The following KCNIP4 variants were observed in gnomAD, a reference collection of about 807,000 sequenced individuals.
The protein encoded by KCNIP4 is potassium voltage-gated channel interacting protein 4, also known as Kv channel-interacting protein 4.
A neutral mutation model predicts 34.0 loss-of-function variants in KCNIP4; 12 were observed. That is an observed-to-expected ratio of 0.35 (90% CI 0.23 to 0.57). KCNIP4 has a LOEUF of 0.57. KCNIP4 is among the 20% of genes least tolerant of loss of function. The probability of loss-of-function intolerance (pLI) is 0.83; values close to 1 mark genes in which losing one functional copy is unlikely to be tolerated. For missense variants in KCNIP4, 238 were observed against 311.7 expected, an observed-to-expected ratio of 0.76 and a Z score of 1.78; for synonymous variants, 124 against 102.2, an observed-to-expected ratio of 1.21 and a Z score of -1.29.
intron 1 of KCNIP4, among the ~76,000 whole-genome samples, chr4:21,167,390 G>T (rs1753707806): frequency 6.6e-6 from 1 of 152,120 alleles, no homozygotes; most frequent in Admixed American, 6.5e-5. Flanking sequence ...AAGACAAAAA[G>T]AATTATCATT....
chr4:21,060,513 T>C (rs993087272), intron 1 of KCNIP4, among the ~76,000 whole-genome samples: 1 of 152,208 alleles, frequency 6.6e-6, no homozygotes, highest in Non-Finnish European at 1.5e-5. Context: ...AAGATAATTA[T>C]TCTTTTCACA....
At chr4:21,589,265 G>GTATCTATACATATACATATATGTATCT (rs1560540556) in intron 1 of KCNIP4, among the ~76,000 whole-genome samples, 18 of 113,408 alleles carry the variant, frequency 1.6e-4, no homozygotes, top group South Asian at 1.1e-3. Context: ...TATCTATACA[G>GTATCTATACATATACATATATGTATCT]ATACATATAT....
intron 1 of KCNIP4, among the ~76,000 whole-genome samples, chr4:21,519,761 A>G (rs374881524): frequency 1.9e-4 from 26 of 134,458 alleles, no homozygotes; most frequent in South Asian, 1.0e-3. Flanking sequence ...GTGTGTATGT[A>G]TGTGTGTATA....
In KCNIP4 at chr4:20,850,581, T is replaced by C. The variant is rs2149483049; in HGVS notation, c.250A>G (p.Lys84Glu). ...CTGTAAAGGATCTGAAGCTCTTTCT[T>C]GGTAAATTTGCTCTGGGCTTCCAGA... Reference protein sequence around the residue: ...ELLEAQSKFTKKELQILYRGF... With the variant: ...ELLEAQSKFTEKELQILYRGF... The change falls in exon 3 of 9, where the codon AAG becomes GAG. Residue 84 changes from lysine to glutamate, a missense_variant. Coordinates refer to ENST00000382152, the MANE Select transcript of KCNIP4 (RefSeq NM_025221.6). The C allele has an allele frequency of 6.2e-7, 1 of 1,612,974 alleles. No individual in the cohort carries two copies. The highest frequency in any genetic ancestry group is 8.5e-7 in the Non-Finnish European group (1 of 1,179,754).
At chr4:21,205,075 A>T (rs1176775511) in intron 1 of KCNIP4, among the ~76,000 whole-genome samples, 1 of 152,218 alleles carries the variant, frequency 6.6e-6, no homozygotes, top group East Asian at 1.9e-4. Context: ...TTCAACGAAA[A>T]GCTGGTTCAT....
chr4:20,816,486 C>T (rs1578687813), intron 3 of KCNIP4, among the ~76,000 whole-genome samples: 1 of 152,128 alleles, frequency 6.6e-6, no homozygotes, highest in Non-Finnish European at 1.5e-5. Context: ...CTCCAGCCAT[C>T]CTGAAACATT....
chr4:21,638,107 T>C (rs1188377952), intron 1 of KCNIP4, among the ~76,000 whole-genome samples: 3 of 152,158 alleles, frequency 2.0e-5, no homozygotes, highest in African/African-American at 7.2e-5. Flanking sequence ...CTAATGATAA[T>C]TTATCTGAAG....
At chr4:21,414,989 G>T (rs1724822259) in intron 1 of KCNIP4, among the ~76,000 whole-genome samples, 1 of 151,840 alleles carries the variant, frequency 6.6e-6, no homozygotes, top group South Asian at 2.1e-4. Context: ...TGTTCTAAAA[G>T]GTAAAACAAA....
chr4:21,605,854 C>A (rs1478169722), intron 1 of KCNIP4, among the ~76,000 whole-genome samples: 1 of 152,050 alleles, frequency 6.6e-6, no homozygotes, highest in Admixed American at 6.5e-5. Flanking sequence ...ATTCCCTGAC[C>A]ACCATCAAAA....
chr4:21,792,107 A>G (rs1170570461), intron 1 of KCNIP4, among the ~76,000 whole-genome samples: 2 of 149,534 alleles, frequency 1.3e-5, no homozygotes, highest in African/African-American at 2.5e-5. Context: ...CGTGGTGGGA[A>G]GGGTTGGCTT....
chr4:21,872,345 G>A (rs980853139), intron 1 of KCNIP4, among the ~76,000 whole-genome samples: 2 of 152,136 alleles, frequency 1.3e-5, no homozygotes, highest in African/African-American at 4.8e-5. Context: ...AGCGCTATGA[G>A]CCAGGATTTA....
intron 1 of KCNIP4, among the ~76,000 whole-genome samples, chr4:21,686,333 GT>G (rs1750801492): frequency 1.3e-5 from 2 of 152,070 alleles, no homozygotes; most frequent in African/African-American, 2.4e-5. Flanking sequence ...GTTTTTTTGT[GT>G]GTGTAAAATC....
intron 1 of KCNIP4, among the ~76,000 whole-genome samples, chr4:21,034,729 G>A (rs1264648215): frequency 6.6e-6 from 1 of 152,160 alleles, no homozygotes; most frequent in Non-Finnish European, 1.5e-5. Flanking sequence ...TACATGCCAG[G>A]GAAAAGAGTT....
intron 1 of KCNIP4, among the ~76,000 whole-genome samples, chr4:21,057,782 T>C (rs1007230345): frequency 5.4e-4 from 82 of 152,216 alleles, no homozygotes; most frequent in Non-Finnish European, 1.9e-4. Flanking sequence ...TTTCAGTCAA[T>C]TGTTCTGAAA....
At chr4:21,614,924 C>T (rs949566468) in intron 1 of KCNIP4, among the ~76,000 whole-genome samples, 1 of 152,080 alleles carries the variant, frequency 6.6e-6, no homozygotes, top group African/African-American at 2.4e-5. Flanking sequence ...CATGTGTCAC[C>T]GTCTGAAGCC....
chr4:21,910,660 AT>A (rs1280164035), intron 1 of KCNIP4, among the ~76,000 whole-genome samples: 3 of 152,210 alleles, frequency 2.0e-5, no homozygotes, highest in Non-Finnish European at 4.4e-5. Flanking sequence ...AAGGCACTAA[AT>A]TATATAAGGG....
chr4:20,764,147 A>T (rs191539439), intron 3 of KCNIP4, among the ~76,000 whole-genome samples: 1 of 152,122 alleles, frequency 6.6e-6, no homozygotes, highest in East Asian at 1.9e-4. Flanking sequence ...ATTTTGTCTG[A>T]TTATTAGCAA....
chr4:20,962,855 A>C (rs1056009532), intron 1 of KCNIP4, among the ~76,000 whole-genome samples: 1 of 152,202 alleles, frequency 6.6e-6, no homozygotes, highest in Non-Finnish European at 1.5e-5. Context: ...GTGTTGTTCA[A>C]CTCATGTCTT....
rs16870495 is a variant in KCNIP4 at position 21,156,397 on chromosome 4, C to A, written c.62-273688G>T. On this transcript the variant is annotated intron_variant, in intron 1 of 8. Coordinates refer to ENST00000382152, the MANE Select transcript of KCNIP4 (RefSeq NM_025221.6). ...GCAAGAGATGCTCTAAACTGTCTTT[C>A]TCTGCTCAAAGAGATTCTAGGGGAT... is the stretch of plus-strand genomic sequence containing the variant. Among the ~76,000 whole-genome samples the A allele has an allele frequency of 4.7e-3, 710 of 152,266 alleles. 3 individuals are homozygous for A. The highest frequency in any genetic ancestry group is 0.015 in the African/African-American group (613 of 41,544).
Sources: allele counts gnomAD v4.1 joint callset (sites outside exome capture counted in the v4.1 genomes callset), GRCh38; gene constraint gnomAD v4.1.1; transcripts MANE v1.5; gene names NCBI Gene and HGNC (gene_info 2026-07-23, HGNC 2026-07-21).